The following MEGF6 variants were observed in gnomAD, a reference collection of about 807,000 sequenced individuals.
MEGF6 encodes multiple epidermal growth factor-like domains protein 6.
Under a neutral mutation model 207.1 loss-of-function variants are expected in MEGF6, and 184 were observed. The observed-to-expected ratio is 0.89, with a 90% CI of 0.79 to 1.00. The LOEUF is 1.00. MEGF6 is among the 50% of genes least tolerant of loss of function. The probability of loss-of-function intolerance (pLI) is 0.00; values close to 1 mark genes in which losing one functional copy is unlikely to be tolerated. For missense variants in MEGF6, 2,282 were observed against 2,202.9 expected, an observed-to-expected ratio of 1.04 and a Z score of -0.72; for synonymous variants, 1,038 against 910.0, an observed-to-expected ratio of 1.14 and a Z score of -2.53.
At chr1:3,583,093 G>A (rs2101771945) in intron 3 of MEGF6, among the ~76,000 whole-genome samples, 1 of 152,340 alleles carries the variant, frequency 6.6e-6, no homozygotes, top group East Asian at 1.9e-4. Context: ...AAGGGAGGGT[G>A]CAAGGGGACG....
chr1:3,503,559 G>A (rs1640987886), intron 17 of MEGF6, among the ~76,000 whole-genome samples: 1 of 152,086 alleles, frequency 6.6e-6, no homozygotes, highest in Non-Finnish European at 1.5e-5. Context: ...TCTCTGGCGA[G>A]GCCTGTTCAC....
chr1:3,498,709 G>A lies in MEGF6; in HGVS notation c.3212C>T (p.Ala1071Val), dbSNP rs866515203. 1 of 1,568,086 alleles carries A rather than the reference G, an allele frequency of 6.4e-7. No homozygotes were observed. ...CACPEGWAGL[A>V]CEKECLPRDV... ...CGCCCAGCGCTCACCCTTCTCACAG[G>A]CCAGGCCGGCCCAGCCCTCTGGGCA... is the stretch of plus-strand genomic sequence containing the variant. Residue 1071 changes from alanine to valine, a missense_variant, in exon 25 of 37, where the codon GCC (alanine) becomes GTC (valine). Physicochemically the swap from Ala to Val is moderately conservative, Grantham distance 64 (BLOSUM62 0). Coordinates refer to ENST00000356575, the MANE Select transcript of MEGF6 (RefSeq NM_001409.4).
intron 4 of MEGF6, among the ~76,000 whole-genome samples, chr1:3,575,351 G>T (rs577541546): frequency 6.6e-6 from 1 of 152,250 alleles, no homozygotes; most frequent in South Asian, 2.1e-4. Flanking sequence ...GACAGGGGAG[G>T]GGGTCTTTAG....
At chr1:3,593,462 G>A (rs1003250971) in intron 3 of MEGF6, among the ~76,000 whole-genome samples, 3 of 148,288 alleles carry the variant, frequency 2.0e-5, no homozygotes, top group African/African-American at 7.5e-5. Context: ...AGGCCCAGGG[G>A]CACCCCCACC....
intron 34 of MEGF6, 142 bp from the exon 35 acceptor site, chr1:3,492,909 G>A (rs866305772): frequency 8.3e-6 from 10 of 1,198,094 alleles, no homozygotes; most frequent in African/African-American, 7.7e-5. Flanking sequence ...CTAAGACCTT[G>A]GGCCTCGGTT....
rs1435143034 is a variant in MEGF6 at position 3,560,066 on chromosome 1, T to C, written c.481+19759A>G. Among the ~76,000 whole-genome samples, 2 of 142,228 alleles carry C rather than the reference T, an allele frequency of 1.4e-5. No individual in the cohort carries two copies. The highest frequency in any genetic ancestry group is 3.0e-5 in the Non-Finnish European group (2 of 65,594). The allele number at this position is 142,228 out of a possible 152,430, so 93.3% of individuals were successfully genotyped here. A position where few individuals can be genotyped will look rare whatever the true frequency, so the allele number is the denominator to read the frequency against. On this transcript the variant is annotated intron_variant, in intron 4 of 36. Transcript: ENST00000356575. The surrounding 1 kb of genome is among the most constrained non-coding windows in gnomAD (Gnocchi z 4.0). ...ACACGATGAGCCCATCTCCTGGGAG[T>C]CGGGAGGTGCTCTCAGGGCAGGAGA... is the stretch of plus-strand genomic sequence containing the variant.
Position 3,498,693 on chromosome 1 carries a change from C to A in MEGF6, c.3223+5G>T. ...TATGTCCCTCCTCTGCCGCCCAGCG[C>A]TCACCCTTCTCACAGGCCAGGCCGG... On this transcript the variant is annotated splice_donor_5th_base_variant and intron_variant, in intron 25 of 36. Transcript: ENST00000356575. 1 of 1,561,112 alleles carries A rather than the reference C, an allele frequency of 6.4e-7. No individual in the cohort carries two copies. Among genetic ancestry groups the A allele is most frequent in the Non-Finnish European group, 8.7e-7 (1 of 1,155,542 alleles).
intron 4 of MEGF6, among the ~76,000 whole-genome samples, chr1:3,548,695 C>T (rs544943571): frequency 3.4e-4 from 52 of 152,250 alleles, no homozygotes; most frequent in African/African-American, 9.9e-4. Flanking sequence ...TGGGGCTGGA[C>T]GCCAGATGAG....
chr1:3,551,063 C>T (rs1262289413), intron 4 of MEGF6, among the ~76,000 whole-genome samples: 2 of 152,216 alleles, frequency 1.3e-5, no homozygotes, highest in East Asian at 1.9e-4. Context: ...GCCGGGCCCG[C>T]GTGGCCATGT....
intron 2 of MEGF6, among the ~76,000 whole-genome samples, chr1:3,599,697 T>A (rs1290725282): frequency 2.0e-5 from 3 of 152,012 alleles, no homozygotes; most frequent in African/African-American, 7.3e-5. Flanking sequence ...GCTGGCGAGG[T>A]GGCAGATGGA....
chr1:3,612,424 C>G (rs1644340448), upstream of MEGF6, among the ~76,000 whole-genome samples: 1 of 152,204 alleles, frequency 6.6e-6, no homozygotes. Flanking sequence ...TTGAAATTGA[C>G]TCCAGGGGCC....
At position 3,492,644 on chromosome 1, in the gene MEGF6, C is replaced by G. The variant is rs368026837; in HGVS notation, c.4511G>C (p.Arg1504Pro). ...CVDGYMGPTC[R>P]EGGPLRLPEN... Reference sequence around the variant, plus strand: ...CCCCAGGAAGCCCAGCTCACCTTCCCGGCACGTGGGCCCCATGTAGCCATC... The same window carrying G: ...CCCCAGGAAGCCCAGCTCACCTTCCGGGCACGTGGGCCCCATGTAGCCATC... The change falls in exon 35 of 37, where the codon CGG becomes CCG. Residue 1504 changes from arginine (R) to proline (P), a missense_variant. Arg to Pro is a moderately radical substitution (Grantham distance 103). Transcript: ENST00000356575. The G allele has an allele frequency of 2.5e-6, 4 of 1,609,722 alleles. No individual in the cohort carries two copies. Among genetic ancestry groups the G allele is most frequent in the Non-Finnish European group, 3.4e-6 (4 of 1,177,530 alleles).
chr1:3,598,745 C>T (rs568991641), intron 2 of MEGF6, among the ~76,000 whole-genome samples: 22 of 147,290 alleles, frequency 1.5e-4, no homozygotes, highest in African/African-American at 5.3e-4. Flanking sequence ...GCCCACTCCT[C>T]TGCCTTCTGC....
chr1:3,494,302 C>G (rs1008643767), intron 32 of MEGF6, 69 bp downstream of exon 32: 3 of 1,491,688 alleles, frequency 2.0e-6, no homozygotes, highest in African/African-American at 2.8e-5. Context: ...CTGCCTGGAT[C>G]ACCCACACGG....
intron 4 of MEGF6, among the ~76,000 whole-genome samples, chr1:3,537,327 G>A (rs1352137445): frequency 6.6e-6 from 1 of 152,250 alleles, no homozygotes; most frequent in African/African-American, 2.4e-5. Flanking sequence ...GGCTGGTGGC[G>A]GGGGGTTGAG....
chr1:3,524,306 A>G (rs529782712), intron 4 of MEGF6, 60 bp from the exon 5 acceptor site: 3 of 1,577,216 alleles, frequency 1.9e-6, no homozygotes, highest in Admixed American at 3.4e-5. Context: ...CTTTGCCAAC[A>G]CAGCCCCCCA....
intron 4 of MEGF6, among the ~76,000 whole-genome samples, chr1:3,533,262 G>A (rs551634671): frequency 5.3e-5 from 8 of 152,024 alleles, no homozygotes; most frequent in Admixed American, 1.3e-4. Context: ...AGGCCAGCCC[G>A]CCCCCTTGGC....
intron 3 of MEGF6, among the ~76,000 whole-genome samples, chr1:3,581,336 C>T (rs1221282121): frequency 6.6e-6 from 1 of 152,152 alleles, no homozygotes; most frequent in Non-Finnish European, 1.5e-5. Context: ...TGGGCCCTCA[C>T]ACACATCTGG....
chr1:3,500,832 G>A (rs1640828372), intron 20 of MEGF6, 68 bp from the exon 21 acceptor site: 3 of 1,593,270 alleles, frequency 1.9e-6, no homozygotes, highest in Non-Finnish European at 2.6e-6. Context: ...AGCCGAGTCA[G>A]GCACAGGGGC....
Sources: allele counts gnomAD v4.1 joint callset (sites outside exome capture counted in the v4.1 genomes callset), GRCh38; gene constraint gnomAD v4.1.1; non-coding constraint Gnocchi (gnomAD v3.1); transcripts MANE v1.5; gene names NCBI Gene and HGNC (gene_info 2026-07-23, HGNC 2026-07-21).